Variants in CARF observed in about 807,000 individuals in gnomAD.
The protein encoded by CARF is calcium responsive transcription factor.
Under a neutral mutation model 82.0 loss-of-function variants are expected in CARF, and 57 were observed. The observed-to-expected ratio is 0.70, with a 90% CI of 0.56 to 0.87. The LOEUF is 0.87. CARF is among the 40% of genes least tolerant of loss of function. The probability of loss-of-function intolerance (pLI) is 0.00; values close to 1 mark genes in which losing one functional copy is unlikely to be tolerated. For missense variants in CARF, 771 were observed against 855.8 expected (o/e 0.90, Z 1.24); for synonymous variants, 268 against 290.1 (o/e 0.92, Z 0.77).
intron 5 of CARF, among the ~76,000 whole-genome samples, chr2:202,951,421 A>G (rs2058748373): frequency 1.3e-5 from 2 of 152,126 alleles, no homozygotes; most frequent in African/African-American, 4.8e-5. Flanking sequence ...GAGTCTGGGA[A>G]CGTGGGTTGG....
intron 12 of CARF, 60 bp from the exon 13 acceptor site, chr2:202,974,274 T>C: frequency 8.1e-7 from 1 of 1,229,332 alleles, no homozygotes; most frequent in East Asian, 2.5e-5. Flanking sequence ...TTCTGTCTTT[T>C]GATCTAAAGG....
intron 1 of CARF, among the ~76,000 whole-genome samples, chr2:202,916,932 C>T (rs1574446875): frequency 6.6e-6 from 1 of 152,150 alleles, no homozygotes; most frequent in East Asian, 1.9e-4. Flanking sequence ...CTGAGCTCGC[C>T]GGGCGCGGTG....
rs34935146 is a variant in CARF at position 202,955,742 on chromosome 2, G to A, written c.626G>A (p.Arg209His). The change falls in exon 8 of 17, where the codon CGT (arginine) becomes CAT (histidine). Residue 209 changes from arginine (R) to histidine (H), a missense_variant. Coordinates refer to ENST00000438828, the MANE Select transcript of CARF (RefSeq NM_024744.17). ...TCTAATACACCTATATGGGCCTGCCGTCTTAGGAGCTGTGAGGTGAGTTAT... is the reference window on the plus strand; with the variant it reads ...TCTAATACACCTATATGGGCCTGCCATCTTAGGAGCTGTGAGGTGAGTTAT... ...LSSNTPIWAC[R>H]LRSCEKIGDS... is the part of the protein sequence containing the mutation. 563 of 1,610,878 alleles carry A rather than the reference G, an allele frequency of 3.5e-4. No individual in the cohort carries two copies. The African/African-American group carries it at 5.3e-3, about 15-fold the overall frequency.
chr2:202,955,006 G>A (rs1165083303), intron 7 of CARF, among the ~76,000 whole-genome samples: 2 of 150,318 alleles, frequency 1.3e-5, no homozygotes, highest in African/African-American at 2.4e-5. Flanking sequence ...AGAGCGAGAC[G>A]CTGTCTCGAA....
chr2:202,950,616 A>G (rs2058711086), intron 5 of CARF, among the ~76,000 whole-genome samples: 1 of 152,136 alleles, frequency 6.6e-6, no homozygotes, highest in Non-Finnish European at 1.5e-5. Flanking sequence ...GGTAGTTTGA[A>G]GGAGTCAGAT....
intron 13 of CARF, among the ~76,000 whole-genome samples, chr2:202,975,564 G>A (rs555265515): frequency 7.2e-5 from 11 of 152,066 alleles, no homozygotes; most frequent in Non-Finnish European, 1.0e-4. Context: ...CTGAGATAGC[G>A]CCACTGCACT....
chr2:202,969,915 A>G lies in CARF; in HGVS notation c.954-4A>G, dbSNP rs2059715252. ...AAACAAATTCTTCTTTATCTTGTAT[A>G]AAGGATTTACATTAAAAAGGTACAG... On this transcript the variant is annotated splice_region_variant and splice_polypyrimidine_tract_variant and intron_variant, in intron 10 of 16. Transcript: ENST00000438828. The G allele has an allele frequency of 6.8e-7, 1 of 1,471,356 alleles. No individual in the cohort carries two copies. Among genetic ancestry groups the G allele is most frequent in the Admixed American group, 2.6e-5 (1 of 38,964 alleles). The allele number at this position is 1,471,356 out of a possible 1,614,324, so 91.1% of individuals were successfully genotyped here. A position where few individuals can be genotyped will look rare whatever the true frequency, so the allele number is the denominator to read the frequency against.
chr2:202,979,551 A>G (rs2060161145), intron 14 of CARF, among the ~76,000 whole-genome samples: 1 of 152,182 alleles, frequency 6.6e-6, no homozygotes, highest in African/African-American at 2.4e-5. Flanking sequence ...CTGTAATCCC[A>G]GCACTTTGGG....
chr2:202,950,749 G>C (rs977351880), intron 5 of CARF, among the ~76,000 whole-genome samples: 1 of 152,066 alleles, frequency 6.6e-6, no homozygotes, highest in Non-Finnish European at 1.5e-5. Flanking sequence ...CACGTGATGA[G>C]GATTAAATGA....
At chr2:202,982,804 G>C (rs2060320721) in intron 16 of CARF, among the ~76,000 whole-genome samples, 1 of 152,162 alleles carries the variant, frequency 6.6e-6, no homozygotes, top group Non-Finnish European at 1.5e-5. Flanking sequence ...GGTTATTATG[G>C]AAGAATTGAT....
At chr2:202,918,393 C>T (rs922391111) in intron 2 of CARF, among the ~76,000 whole-genome samples, 1 of 151,934 alleles carries the variant, frequency 6.6e-6, no homozygotes, top group East Asian at 1.9e-4. Context: ...TGGTGGCGGG[C>T]GCCTATAGTC....
chr2:202,935,730 T>C (rs76893383), intron 3 of CARF, among the ~76,000 whole-genome samples: 2,615 of 152,240 alleles, frequency 0.017, 71 homozygotes, highest in East Asian at 0.09. Flanking sequence ...CAGCCTGACT[T>C]TGATATTTTT....
chr2:202,945,411 C>T (rs77410121), intron 5 of CARF, among the ~76,000 whole-genome samples: 2,414 of 152,184 alleles, frequency 0.016, 66 homozygotes, highest in African/African-American at 0.056. Context: ...TTTCATCCAC[C>T]CATGCATTAG....
chr2:202,969,605 AT>A, intron 10 of CARF, among the ~76,000 whole-genome samples: 1 of 147,292 alleles, frequency 6.8e-6, no homozygotes, highest in East Asian at 2.0e-4. Context: ...AAATAAATAA[AT>A]AAATAAATAA....
intron 5 of CARF, among the ~76,000 whole-genome samples, chr2:202,944,081 T>C (rs2058374952): frequency 6.6e-6 from 1 of 152,216 alleles, no homozygotes; most frequent in Admixed American, 6.5e-5. Context: ...AGACATATCC[T>C]TGCTGATCTT....
chr2:202,913,229 C>T (rs1174011346), intron 1 of CARF, 127 bp downstream of exon 1: 2 of 152,082 alleles, frequency 1.3e-5, no homozygotes, highest in Non-Finnish European at 2.9e-5. Flanking sequence ...GAGATTTAAA[C>T]AATTGGAAGA....
chr2:202,944,298 G>A (rs1304337007), intron 5 of CARF, among the ~76,000 whole-genome samples: 1 of 152,096 alleles, frequency 6.6e-6, no homozygotes, highest in Non-Finnish European at 1.5e-5. Context: ...CTTAACATAA[G>A]TAATACTGTG....
intron 8 of CARF, among the ~76,000 whole-genome samples, chr2:202,957,692 C>A (rs886858363): frequency 6.6e-6 from 1 of 152,130 alleles, no homozygotes; most frequent in African/African-American, 2.4e-5. Flanking sequence ...CGGTGGCTCA[C>A]TCCTCTAATT....
At position 202,941,878 on chromosome 2, in the gene CARF, A is replaced by G; in HGVS notation, c.-25A>G. 1 of 1,580,480 alleles carries G rather than the reference A, an allele frequency of 6.3e-7. No homozygotes were observed. The highest frequency in any genetic ancestry group is 1.3e-5 in the African/African-American group (1 of 74,276). On this transcript the variant is annotated 5_prime_UTR_variant, in exon 4 of 17. Coordinates refer to ENST00000438828, the MANE Select transcript of CARF (RefSeq NM_024744.17). ...CTTTCAGCTATTAAATAATAGAAGA[A>G]AATGGAATTGAATATGATGTCAGCA...
Sources: gnomAD v4.1 joint callset for allele counts (sites outside exome capture counted in the v4.1 genomes callset) on GRCh38, gnomAD v4.1.1 for gene constraint, MANE v1.5 for transcripts, NCBI Gene and HGNC (gene_info 2026-07-23, HGNC 2026-07-21) for gene names.